The following ARMH4 variants were observed in gnomAD, a reference collection of about 807,000 sequenced individuals.
ARMH4 encodes the protein armadillo-like helical domain-containing protein 4.
ARMH4 carries 49 observed loss-of-function variants against 61.9 expected under a neutral mutation model. That is an observed-to-expected ratio of 0.79 (90% CI 0.63 to 1.00). The LOEUF is 1.00. Among genes scored for constraint, ARMH4 ranks in the 50% least tolerant of loss-of-function variants. The probability of loss-of-function intolerance (pLI) is 0.00; values close to 1 mark genes in which losing one functional copy is unlikely to be tolerated. For missense variants in ARMH4, 934 were observed against 930.0 expected (o/e 1.00, Z -0.06); for synonymous variants, 368 against 341.5 (o/e 1.08, Z -0.85).
chr14:58,104,958 A>G (rs1049113301), intron 4 of ARMH4, among the ~76,000 whole-genome samples: 1 of 152,236 alleles, frequency 6.6e-6, no homozygotes, highest in Admixed American at 6.5e-5. Context: ...TTGCAACCAC[A>G]AAGTCAACAT....
chr14:58,135,218 T>G (rs1226053057), intron 2 of ARMH4, among the ~76,000 whole-genome samples: 20 of 152,168 alleles, frequency 1.3e-4, no homozygotes, highest in Non-Finnish European at 2.9e-5. Context: ...CACATGAGCT[T>G]CATATTTGCA....
chr14:58,128,962 G>A (rs760274742), intron 4 of ARMH4, among the ~76,000 whole-genome samples: 14 of 152,178 alleles, frequency 9.2e-5, no homozygotes, highest in Non-Finnish European at 1.5e-4. Flanking sequence ...AGACACAGAC[G>A]GCCATGTGAA....
At chr14:58,141,344 C>A (rs1396035265) in intron 1 of ARMH4, 5 of 495,268 alleles carry the variant, frequency 1.0e-5, no homozygotes, top group South Asian at 6.5e-5. Context: ...CCCACCGACA[C>A]CATTTAGAAT....
intron 4 of ARMH4, among the ~76,000 whole-genome samples, chr14:58,106,805 A>AG (rs897468039): frequency 6.6e-6 from 1 of 151,942 alleles, no homozygotes; most frequent in Non-Finnish European, 1.5e-5. Flanking sequence ...GGTAGGTGAA[A>AG]AAAAAAAAAC....
intron 1 of ARMH4, among the ~76,000 whole-genome samples, chr14:58,141,087 T>A (rs1887533406): frequency 6.6e-6 from 1 of 152,046 alleles, no homozygotes; most frequent in Admixed American, 6.6e-5. Context: ...TTTATAAAAA[T>A]CCAGTTTATT....
At chr14:58,085,250 CTCTT>C (rs942034261) in intron 5 of ARMH4, among the ~76,000 whole-genome samples, 15 of 152,130 alleles carry the variant, frequency 9.9e-5, no homozygotes, top group African/African-American at 3.4e-4. Flanking sequence ...CAGTTGGAAA[CTCTT>C]TAACATCATC....
intron 5 of ARMH4, among the ~76,000 whole-genome samples, chr14:58,081,845 C>T (rs1885236184): frequency 6.6e-6 from 1 of 151,942 alleles, no homozygotes; most frequent in Non-Finnish European, 1.5e-5. Context: ...TAACTAAATG[C>T]CTTTAAGGTA....
intron 4 of ARMH4, among the ~76,000 whole-genome samples, chr14:58,103,379 G>A (rs1886066100): frequency 6.6e-6 from 1 of 152,058 alleles, no homozygotes; most frequent in Non-Finnish European, 1.5e-5. Flanking sequence ...ATGGGAGTGG[G>A]CTCATGCTCT....
chr14:58,029,550 G>A (rs1270593013), intron 5 of ARMH4, among the ~76,000 whole-genome samples: 1 of 152,038 alleles, frequency 6.6e-6, no homozygotes, highest in African/African-American at 2.4e-5. Context: ...ATATTCTTAA[G>A]GTTAACCCAC....
intron 4 of ARMH4, among the ~76,000 whole-genome samples, chr14:58,129,975 C>T (rs1182820838): frequency 6.6e-5 from 10 of 152,126 alleles, no homozygotes; most frequent in African/African-American, 9.7e-5. Context: ...TTAGGCATGT[C>T]GGAAAATTCT....
At chr14:58,080,153 G>T (rs1044658538) in intron 5 of ARMH4, among the ~76,000 whole-genome samples, 11 of 150,728 alleles carry the variant, frequency 7.3e-5, no homozygotes, top group Admixed American at 4.6e-4. Context: ...TTTTGAGATG[G>T]AGTTTCGCTC....
chr14:58,086,523 G>A (rs1204226488), intron 5 of ARMH4, among the ~76,000 whole-genome samples: 1 of 152,090 alleles, frequency 6.6e-6, no homozygotes, highest in Admixed American at 6.6e-5. Context: ...CAGTTACCAT[G>A]TTTTCCACAA....
chr14:58,086,706 T>C (rs1885394973), intron 5 of ARMH4, among the ~76,000 whole-genome samples: 1 of 152,198 alleles, frequency 6.6e-6, no homozygotes, highest in African/African-American at 2.4e-5. Context: ...CCATGCTGTG[T>C]GCTAGATGTT....
At chr14:58,087,628 T>C (rs751471989) in intron 5 of ARMH4, among the ~76,000 whole-genome samples, 6 of 152,188 alleles carry the variant, frequency 3.9e-5, no homozygotes, top group Admixed American at 6.5e-5. Context: ...CTGGGTTCTG[T>C]CTATGACTCT....
At chr14:58,067,924 G>A (rs1359942852) in intron 5 of ARMH4, among the ~76,000 whole-genome samples, 3 of 152,302 alleles carry the variant, frequency 2.0e-5, no homozygotes, top group East Asian at 3.9e-4. Flanking sequence ...AAGAACAAGT[G>A]AAAGAGAGTG....
chr14:58,051,180 C>A (rs1218868531), intron 5 of ARMH4, among the ~76,000 whole-genome samples: 4 of 151,658 alleles, frequency 2.6e-5, no homozygotes, highest in African/African-American at 7.3e-5. Flanking sequence ...GATACAAAAT[C>A]TGTGGCAACT....
intron 2 of ARMH4, among the ~76,000 whole-genome samples, chr14:58,135,481 T>C (rs1887273529): frequency 6.6e-6 from 1 of 152,180 alleles, no homozygotes; most frequent in Non-Finnish European, 1.5e-5. Context: ...GCAGGCGCTA[T>C]TTGTAATTTT....
chr14:58,023,916 G>T (rs1882932764), intron 5 of ARMH4, among the ~76,000 whole-genome samples: 1 of 152,098 alleles, frequency 6.6e-6, no homozygotes, highest in South Asian at 2.1e-4. Flanking sequence ...TTTTTTCTGA[G>T]AGTAGGTCTC....
chr14:58,020,572 GTCTC>G (rs1465054502), intron 5 of ARMH4, among the ~76,000 whole-genome samples: 1 of 151,698 alleles, frequency 6.6e-6, no homozygotes, highest in Non-Finnish European at 1.5e-5. Flanking sequence ...TTCTCTCCCT[GTCTC>G]TCTCTTCCTG....
Sources: allele counts gnomAD v4.1 joint callset (sites outside exome capture counted in the v4.1 genomes callset), GRCh38; gene constraint gnomAD v4.1.1; transcripts MANE v1.5; gene names NCBI Gene and HGNC (gene_info 2026-07-23, HGNC 2026-07-21).